The following CRPPA variants were observed in gnomAD, a reference collection of about 807,000 sequenced individuals.
CRPPA encodes CDP-L-ribitol pyrophosphorylase A.
A neutral mutation model predicts 52.0 loss-of-function variants in CRPPA; 43 were observed. The ratio of observed to expected loss-of-function variants is 0.83; its 90% CI spans 0.65 to 1.07. CRPPA has a LOEUF of 1.07. Ranked by LOEUF, CRPPA falls within the 50% of genes least tolerant of loss-of-function variation. CRPPA has a pLI of 0.00. For synonymous variants in CRPPA, 250 were observed against 203.5 expected, an observed-to-expected ratio of 1.23 and a Z score of -1.94; for missense variants, 629 against 551.7, an observed-to-expected ratio of 1.14 and a Z score of -1.40.
intron 3 of CRPPA, among the ~76,000 whole-genome samples, chr7:16,362,706 T>C (rs1415649566): frequency 2.0e-5 from 3 of 152,232 alleles, no homozygotes; most frequent in East Asian, 3.8e-4. Flanking sequence ...CAATTTGTCA[T>C]GTTAGAGAAA....
intron 9 of CRPPA, 41 bp downstream of exon 9, chr7:16,216,025 G>C: frequency 1.4e-6 from 2 of 1,472,072 alleles, no homozygotes; most frequent in Non-Finnish European, 1.8e-6. Flanking sequence ...ATTAAAACTA[G>C]TCTACAGAAC....
At chr7:16,339,020 T>C (rs1785757483) in intron 3 of CRPPA, among the ~76,000 whole-genome samples, 1 of 151,930 alleles carries the variant, frequency 6.6e-6, no homozygotes, top group Non-Finnish European at 1.5e-5. Flanking sequence ...GGCTTCACCG[T>C]GGTCTCGATC....
intron 4 of CRPPA, among the ~76,000 whole-genome samples, chr7:16,307,973 C>T (rs1391243027): frequency 2.7e-5 from 4 of 150,776 alleles, no homozygotes; most frequent in African/African-American, 9.7e-5. Flanking sequence ...CTGCCCAAAT[C>T]TCATGGGGAA....
chr7:16,399,976 T>C (rs536889039), intron 2 of CRPPA, among the ~76,000 whole-genome samples: 23 of 152,234 alleles, frequency 1.5e-4, no homozygotes, highest in African/African-American at 3.9e-4. Flanking sequence ...TGTGACACGA[T>C]TGACACGTGA....
intron 3 of CRPPA, among the ~76,000 whole-genome samples, chr7:16,369,050 G>A (rs1786680931): frequency 6.6e-6 from 1 of 152,140 alleles, no homozygotes; most frequent in Non-Finnish European, 1.5e-5. Context: ...CTAGGTGCTA[G>A]AAATGAGACT....
rs1259489668 is a variant in CRPPA at position 16,219,571 on chromosome 7, G to C, written c.1120-3374C>G. On this transcript the variant is annotated intron_variant, in intron 8 of 9. Coordinates refer to ENST00000407010, the MANE Select transcript of CRPPA (RefSeq NM_001101426.4). ...CAAGACTAATAAAGAAGAAAAGAGA[G>C]AAGAATCAAAGAGATGCAATAAAAA... is the stretch of plus-strand genomic sequence containing the variant. Among the ~76,000 whole-genome samples the C allele has an allele frequency of 1.3e-3, 154 of 119,856 alleles. 5 individuals are homozygous for C. The East Asian group carries it at 0.021, about 16-fold the overall frequency. 78.6% of individuals were successfully genotyped at this position (119,856 alleles called of 152,430 possible). A position where few individuals can be genotyped will look rare whatever the true frequency, so the allele number is the denominator to read the frequency against.
intron 8 of CRPPA, chr7:16,216,587 C>A (rs1050410447): frequency 5.4e-6 from 1 of 184,374 alleles, no homozygotes; most frequent in Non-Finnish European, 1.1e-5. Flanking sequence ...GGTGCGCGCA[C>A]CGTGCGTGAG....
intron 3 of CRPPA, among the ~76,000 whole-genome samples, chr7:16,338,784 C>A (rs1191031942): frequency 6.6e-6 from 1 of 151,678 alleles, no homozygotes. Flanking sequence ...GCACCAGCCC[C>A]CAATGGGTTC....
intron 8 of CRPPA, among the ~76,000 whole-genome samples, chr7:16,232,683 G>A (rs752257780): frequency 4.0e-5 from 6 of 151,842 alleles, no homozygotes; most frequent in Non-Finnish European, 8.8e-5. Context: ...AAATATACTA[G>A]TCCTGCTGAA....
chr7:16,286,777 A>G (rs929616540), intron 5 of CRPPA, among the ~76,000 whole-genome samples: 2 of 152,180 alleles, frequency 1.3e-5, no homozygotes, highest in African/African-American at 4.8e-5. Context: ...TCTCAAATAT[A>G]TATCAACACA....
chr7:16,262,485 GTTC>G (rs1379549644), intron 6 of CRPPA, among the ~76,000 whole-genome samples: 4 of 152,092 alleles, frequency 2.6e-5, no homozygotes, highest in South Asian at 2.1e-4. Flanking sequence ...TTCTCACTGA[GTTC>G]TTCTACAGAA....
intron 9 of CRPPA, among the ~76,000 whole-genome samples, chr7:16,098,226 A>C (rs1781972632): frequency 6.6e-6 from 1 of 152,220 alleles, no homozygotes; most frequent in South Asian, 2.1e-4. Context: ...ACAAGCTGAA[A>C]GGAAATCTCT....
chr7:16,119,083 C>T (rs1782433473), intron 9 of CRPPA, among the ~76,000 whole-genome samples: 1 of 152,172 alleles, frequency 6.6e-6, no homozygotes, highest in Non-Finnish European at 1.5e-5. Flanking sequence ...CAGCTCCATG[C>T]TCATTCCTGT....
At chr7:16,366,967 G>A (rs1786610740) in intron 3 of CRPPA, among the ~76,000 whole-genome samples, 1 of 152,040 alleles carries the variant, frequency 6.6e-6, no homozygotes, top group South Asian at 2.1e-4. Context: ...TTGGTACTGT[G>A]GTTTGCAACT....
intron 9 of CRPPA, among the ~76,000 whole-genome samples, chr7:16,101,392 C>T (rs1192776260): frequency 6.6e-6 from 1 of 151,990 alleles, no homozygotes; most frequent in Admixed American, 6.6e-5. Flanking sequence ...GTGTATGTGT[C>T]CAGGAATTTA....
chr7:16,134,599 T>G lies in CRPPA; in HGVS notation c.1252-42800A>C, dbSNP rs11772802. On this transcript the variant is annotated intron_variant, in intron 9 of 9. Transcript: ENST00000407010. Reference sequence around the variant, plus strand: ...TTACATACATTTGACTGCATGAGGTTCAATGCCCCAACCCAATGTTGTTCA... The same window carrying G: ...TTACATACATTTGACTGCATGAGGTGCAATGCCCCAACCCAATGTTGTTCA... Among the ~76,000 whole-genome samples, 1,397 of 152,278 alleles carry G rather than the reference T, an allele frequency of 9.2e-3. 14 individuals are homozygous for G. Among genetic ancestry groups the G allele is most frequent in the Non-Finnish European group, 0.013 (889 of 68,022 alleles).
chr7:16,391,894 C>G (rs1204736730), intron 2 of CRPPA, among the ~76,000 whole-genome samples: 1 of 152,108 alleles, frequency 6.6e-6, no homozygotes, highest in Non-Finnish European at 1.5e-5. Flanking sequence ...CTAGGTAATA[C>G]ACATATGTCT....
chr7:16,314,219 C>T (rs138745796), intron 3 of CRPPA, among the ~76,000 whole-genome samples: 142 of 151,812 alleles, frequency 9.4e-4, no homozygotes, highest in African/African-American at 3.3e-3. Context: ...TGTTTTATAT[C>T]CTTGGAAGAT....
At chr7:16,174,489 G>A (rs1583408339) in intron 9 of CRPPA, among the ~76,000 whole-genome samples, 1 of 152,172 alleles carries the variant, frequency 6.6e-6, no homozygotes, top group East Asian at 1.9e-4. Context: ...GACCATGGGT[G>A]TAGTTTGCTG....
Sources: gnomAD v4.1 joint callset for allele counts (sites outside exome capture counted in the v4.1 genomes callset) on GRCh38, gnomAD v4.1.1 for gene constraint, MANE v1.5 for transcripts, NCBI Gene and HGNC (gene_info 2026-07-23, HGNC 2026-07-21) for gene names.